Variants in ROBO2 observed in about 807,000 individuals in gnomAD.
ROBO2 encodes the protein roundabout guidance receptor 2.
ROBO2 carries 53 observed loss-of-function variants against 160.8 expected under a neutral mutation model. The observed-to-expected ratio is 0.33, with a 90% CI of 0.26 to 0.41. The LOEUF (loss-of-function observed/expected upper bound fraction) is 0.41. Among genes scored for constraint, ROBO2 ranks in the 10% least tolerant of loss-of-function variants. ROBO2 has a pLI of 1.00. For missense variants in ROBO2, 1,577 were observed against 1,722.4 expected, an observed-to-expected ratio of 0.92 and a Z score of 1.49; for synonymous variants, 664 against 611.7, an observed-to-expected ratio of 1.09 and a Z score of -1.26.
At chr3:76,130,168 A>G (rs1169957155) in intron 2 of ROBO2, among the ~76,000 whole-genome samples, 1 of 152,046 alleles carries the variant, frequency 6.6e-6, no homozygotes, top group Non-Finnish European at 1.5e-5. Context: ...AGCTCTGCAG[A>G]GTAAATTGTC....
chr3:76,161,932 A>C (rs1222319601), intron 2 of ROBO2, among the ~76,000 whole-genome samples: 1 of 152,202 alleles, frequency 6.6e-6, no homozygotes, highest in Admixed American at 6.5e-5. Context: ...GAAATTTTTT[A>C]GAAGTCTCCA....
intron 2 of ROBO2, among the ~76,000 whole-genome samples, chr3:77,115,269 G>A (rs2074086949): frequency 6.6e-6 from 1 of 152,062 alleles, no homozygotes; most frequent in South Asian, 2.1e-4. Context: ...AGAAATTTCA[G>A]AACTAGTTTT....
intron 5 of ROBO2, among the ~76,000 whole-genome samples, chr3:77,509,087 C>T (rs2089008092): frequency 6.6e-6 from 1 of 152,004 alleles, no homozygotes; most frequent in Non-Finnish European, 1.5e-5. Context: ...TTATCTTCAA[C>T]AAAGAACATC....
intron 2 of ROBO2, among the ~76,000 whole-genome samples, chr3:76,739,755 C>T (rs190552981): frequency 3.0e-4 from 45 of 152,160 alleles, no homozygotes; most frequent in Admixed American, 5.2e-4. Context: ...TGACTTGACT[C>T]GGAATTTACT....
At chr3:77,091,416 G>A (rs886141839) in intron 1 of ROBO2, among the ~76,000 whole-genome samples, 1 of 152,206 alleles carries the variant, frequency 6.6e-6, no homozygotes, top group Non-Finnish European at 1.5e-5. Flanking sequence ...ACCACTCAAC[G>A]TTGTAAAATA....
chr3:76,000,609 C>G (rs1022379410), intron 2 of ROBO2, among the ~76,000 whole-genome samples: 5 of 151,628 alleles, frequency 3.3e-5, no homozygotes, highest in Non-Finnish European at 2.9e-5. Flanking sequence ...CTGCCTCAGC[C>G]TCCCGAGTAG....
At chr3:76,854,488 G>A (rs2069823849) in intron 2 of ROBO2, among the ~76,000 whole-genome samples, 1 of 152,092 alleles carries the variant, frequency 6.6e-6, no homozygotes, top group Non-Finnish European at 1.5e-5. Context: ...CTGTGATTGT[G>A]CAAACTTTTG....
In ROBO2 at chr3:76,493,373, A is replaced by G. The variant is rs1385804305; in HGVS notation, c.109+555771A>G. On this transcript the variant is annotated intron_variant, in intron 2 of 26. Transcript: ENST00000487694. ...TATATATATATATATATAATTGTAT[A>G]TACATGTACAAAAAAGATTTCATGT... Among the ~76,000 whole-genome samples the G allele has an allele frequency of 2.1e-5, 3 of 144,582 alleles. No homozygotes were observed. The East Asian group carries it at 6.0e-4, about 29-fold the overall frequency. 94.9% of individuals were successfully genotyped at this position (144,582 alleles called of 152,430 possible).
At chr3:77,350,651 A>G (rs898773223) in intron 2 of ROBO2, among the ~76,000 whole-genome samples, 4 of 152,158 alleles carry the variant, frequency 2.6e-5, no homozygotes, top group Non-Finnish European at 4.4e-5. Flanking sequence ...TTTAGGGAAT[A>G]GTGGGTCAAG....
chr3:77,311,632 C>G (rs1375904069), intron 2 of ROBO2, among the ~76,000 whole-genome samples: 1 of 152,182 alleles, frequency 6.6e-6, no homozygotes, highest in Non-Finnish European at 1.5e-5. Context: ...GGGGATTGAA[C>G]TGGGTTCACT....
intron 2 of ROBO2, among the ~76,000 whole-genome samples, chr3:77,322,725 C>A (rs1461658696): frequency 7.3e-6 from 1 of 137,564 alleles, no homozygotes; most frequent in Non-Finnish European, 1.5e-5. Flanking sequence ...GAACATAGGT[C>A]TAATATATAT....
At chr3:76,148,302 C>T (rs150362419) in intron 2 of ROBO2, among the ~76,000 whole-genome samples, 1 of 151,934 alleles carries the variant, frequency 6.6e-6, no homozygotes, top group Non-Finnish European at 1.5e-5. Flanking sequence ...GAAGACAGCT[C>T]CCCTAGATAT....
chr3:76,170,454 C>T (rs889129159), intron 2 of ROBO2, among the ~76,000 whole-genome samples: 3 of 152,032 alleles, frequency 2.0e-5, no homozygotes, highest in African/African-American at 7.3e-5. Flanking sequence ...TTGACAAGGC[C>T]CTACCTTCCA....
intron 2 of ROBO2, among the ~76,000 whole-genome samples, chr3:76,967,511 C>CTT (rs59372235): frequency 2.7e-4 from 15 of 55,384 alleles, no homozygotes; most frequent in African/African-American, 6.1e-4. Context: ...CTGGCCAGCT[C>CTT]TTTTTTTTTT....
intron 2 of ROBO2, among the ~76,000 whole-genome samples, chr3:76,922,260 G>A (rs559983850): frequency 6.6e-6 from 1 of 152,116 alleles, no homozygotes; most frequent in Non-Finnish European, 1.5e-5. Flanking sequence ...GCAGTGAGCC[G>A]AGATCGCACC....
At chr3:76,035,040 A>G (rs1023972873) in intron 2 of ROBO2, among the ~76,000 whole-genome samples, 1 of 151,978 alleles carries the variant, frequency 6.6e-6, no homozygotes, top group Admixed American at 6.5e-5. Context: ...TCTTCTTTAT[A>G]ATCGCCTCCT....
intron 2 of ROBO2, among the ~76,000 whole-genome samples, chr3:76,352,274 T>A (rs954347915): frequency 6.6e-6 from 1 of 151,924 alleles, no homozygotes; most frequent in African/African-American, 2.4e-5. Flanking sequence ...AAAAACTACT[T>A]CCTCAAGTTG....
intron 2 of ROBO2, among the ~76,000 whole-genome samples, chr3:76,999,971 T>C (rs2061250672): frequency 6.6e-6 from 1 of 152,162 alleles, no homozygotes; most frequent in Admixed American, 6.6e-5. Flanking sequence ...ATAGCAGGTG[T>C]TCACCACATG....
intron 2 of ROBO2, among the ~76,000 whole-genome samples, chr3:76,218,951 G>T (rs937411039): frequency 6.6e-6 from 1 of 152,140 alleles, no homozygotes; most frequent in Non-Finnish European, 1.5e-5. Flanking sequence ...CATGATACTG[G>T]TACCAAAACA....
Sources: allele counts gnomAD v4.1 joint callset (sites outside exome capture counted in the v4.1 genomes callset), GRCh38; gene constraint gnomAD v4.1.1; transcripts MANE v1.5; gene names NCBI Gene and HGNC (gene_info 2026-07-23, HGNC 2026-07-21).